The following TRMT11 variants were observed in gnomAD, a reference collection of about 807,000 sequenced individuals.
TRMT11 encodes tRNA (guanine(10)-N(2))-methyltransferase TRMT11.
In TRMT11, 53 loss-of-function variants were observed where a neutral mutation model predicts 62.8. That is an observed-to-expected ratio of 0.84 (90% CI 0.68 to 1.06). The LOEUF (loss-of-function observed/expected upper bound fraction) is 1.06, where lower values mean the gene tolerates loss of function less well. Among genes scored for constraint, TRMT11 ranks in the 50% least tolerant of loss-of-function variants. The probability of loss-of-function intolerance (pLI) is 0.00; values close to 1 mark genes in which losing one functional copy is unlikely to be tolerated. For synonymous variants in TRMT11, 188 were observed against 190.3 expected (o/e 0.99, Z 0.10); for missense variants, 556 against 553.4 (o/e 1.00, Z -0.05).
At chr6:126,258,135 T>C in the TRMT11 span, 1 of 810,146 alleles carries the variant, frequency 1.2e-6, no homozygotes, top group Non-Finnish European at 2.2e-6. Flanking sequence ...TGTCAGCTGC[T>C]CCATGATCCA....
chr6:126,137,767 C>G (rs1469989905), intron 21 of TRMT11, among the ~76,000 whole-genome samples: 1 of 151,778 alleles, frequency 6.6e-6, no homozygotes, highest in Non-Finnish European at 1.5e-5. Context: ...TGTATATACA[C>G]AACGGAATAT....
At chr6:126,166,852 T>A (rs1241887446) in intron 21 of TRMT11, among the ~76,000 whole-genome samples, 1 of 152,086 alleles carries the variant, frequency 6.6e-6, no homozygotes, top group Non-Finnish European at 1.5e-5. Context: ...TACAGTGGCT[T>A]CATGGTGCTG....
At chr6:126,130,881 C>T (rs1777774816) in intron 21 of TRMT11, among the ~76,000 whole-genome samples, 1 of 152,020 alleles carries the variant, frequency 6.6e-6, no homozygotes, top group African/African-American at 2.4e-5. Context: ...CTTTGCTCCT[C>T]CACATAAGAA....
At position 126,086,367 on chromosome 6, in the gene TRMT11, C is replaced by T. The variant is rs79785851; in HGVS notation, c.*1438-26499C>T. Among the ~76,000 whole-genome samples, 419 of 152,280 alleles carry T rather than the reference C, an allele frequency of 2.8e-3. 2 individuals carry two copies. Among genetic ancestry groups the T allele is most frequent in the African/African-American group, 9.3e-3 (388 of 41,568 alleles). On this transcript the variant is annotated intron_variant and NMD_transcript_variant, in intron 17 of 22. Coordinates refer to the TRMT11 transcript ENST00000648977. ...CATCACATCCATCCAGTGTCCCGAG[C>T]TAGAAACCGAGATAACATTCTTGAT...
intron 21 of TRMT11, among the ~76,000 whole-genome samples, chr6:126,132,706 GACTGT>G (rs1777799234): frequency 6.6e-6 from 1 of 151,962 alleles, no homozygotes. Flanking sequence ...ATGACACCAC[GACTGT>G]TTTTAATGAC....
the TRMT11 span, among the ~76,000 whole-genome samples, chr6:126,217,908 T>A: frequency 6.6e-6 from 1 of 152,118 alleles, no homozygotes; most frequent in Non-Finnish European, 1.5e-5. Context: ...TCAGAAGCCT[T>A]AGGAATCTAC....
chr6:126,011,937 G>A (rs1794274456), intron 9 of TRMT11, among the ~76,000 whole-genome samples: 1 of 152,154 alleles, frequency 6.6e-6, no homozygotes, highest in African/African-American at 2.4e-5. Flanking sequence ...TGAACCTACT[G>A]AGCTTCAGGA....
intron 1 of TRMT11, among the ~76,000 whole-genome samples, chr6:126,197,940 C>G (rs1778685482): frequency 6.6e-6 from 1 of 152,082 alleles, no homozygotes; most frequent in Non-Finnish European, 1.5e-5. Flanking sequence ...AACAAAAAGA[C>G]CTCTCATAAC....
At chr6:126,169,869 A>G (rs1276231198) in intron 21 of TRMT11, among the ~76,000 whole-genome samples, 1 of 152,200 alleles carries the variant, frequency 6.6e-6, no homozygotes, top group East Asian at 1.9e-4. Flanking sequence ...ATTTCATGAA[A>G]TACAACTTCT....
chr6:126,213,745 C>T, the TRMT11 span, among the ~76,000 whole-genome samples: 2 of 152,042 alleles, frequency 1.3e-5, no homozygotes, highest in African/African-American at 2.4e-5. Context: ...TTATATCTCT[C>T]TCCTCTCTGA....
At chr6:126,095,800 T>A (rs1777333425) in intron 17 of TRMT11, among the ~76,000 whole-genome samples, 1 of 152,142 alleles carries the variant, frequency 6.6e-6, no homozygotes, top group Non-Finnish European at 1.5e-5. Context: ...ATTTTTTACC[T>A]GGGGGCTGAC....
chr6:126,109,709 C>T (rs1381178853), intron 17 of TRMT11, among the ~76,000 whole-genome samples: 4 of 152,164 alleles, frequency 2.6e-5, no homozygotes, highest in Non-Finnish European at 4.4e-5. Context: ...CAGGATCAGT[C>T]ATGGAAAGTG....
intron 17 of TRMT11, among the ~76,000 whole-genome samples, chr6:126,108,108 C>A (rs1777484785): frequency 6.6e-6 from 1 of 152,160 alleles, no homozygotes; most frequent in South Asian, 2.1e-4. Context: ...TTAAAGTCTT[C>A]CCCTGGGAGG....
intron 1 of TRMT11, among the ~76,000 whole-genome samples, chr6:126,198,080 C>T (rs1382227764): frequency 6.6e-6 from 1 of 152,134 alleles, no homozygotes; most frequent in Non-Finnish European, 1.5e-5. Flanking sequence ...TCGGTGGGAA[C>T]ATTTTAGACA....
At chr6:125,999,063 A>G (rs1792065728) in intron 6 of TRMT11, among the ~76,000 whole-genome samples, 2 of 152,052 alleles carry the variant, frequency 1.3e-5, no homozygotes, top group South Asian at 4.1e-4. Context: ...TTCCATTCCA[A>G]AAGAAATGGA....
chr6:126,176,636 G>A (rs547974818), upstream of TRMT11, among the ~76,000 whole-genome samples: 1 of 152,100 alleles, frequency 6.6e-6, no homozygotes, highest in East Asian at 1.9e-4. Flanking sequence ...TAAAGTAAGG[G>A]GAATAAAATA....
intron 21 of TRMT11, among the ~76,000 whole-genome samples, chr6:126,164,182 C>T (rs1220252157): frequency 3.3e-5 from 5 of 152,152 alleles, no homozygotes; most frequent in Non-Finnish European, 7.4e-5. Flanking sequence ...TGTCTTTGTT[C>T]TCATTGGTTT....
At chr6:126,190,113 T>A (rs2128246081) in intron 1 of TRMT11, among the ~76,000 whole-genome samples, 1 of 152,350 alleles carries the variant, frequency 6.6e-6, no homozygotes, top group South Asian at 2.1e-4. Flanking sequence ...TTATTAACTA[T>A]AATTTTCCTA....
intron 17 of TRMT11, among the ~76,000 whole-genome samples, chr6:126,099,947 C>G (rs1408451886): frequency 6.6e-6 from 1 of 152,066 alleles, no homozygotes; most frequent in Non-Finnish European, 1.5e-5. Context: ...GTAGTTGGGA[C>G]TTCAGAGGGG....
Sources: gnomAD v4.1 joint callset for allele counts (sites outside exome capture counted in the v4.1 genomes callset) on GRCh38, gnomAD v4.1.1 for gene constraint, MANE v1.5 for transcripts, NCBI Gene and HGNC (gene_info 2026-07-23, HGNC 2026-07-21) for gene names.